CTNNA3: variants seen among roughly 807,000 people sequenced by gnomAD.
CTNNA3 encodes catenin alpha 3, also known as catenin alpha-3.
CTNNA3 carries 76 observed loss-of-function variants against 95.7 expected under a neutral mutation model. The observed-to-expected ratio is 0.79, with a 90% CI of 0.66 to 0.96. CTNNA3 has a LOEUF of 0.96. Among genes scored for constraint, CTNNA3 ranks in the 40% least tolerant of loss-of-function variants. The pLI is 0.00. For missense variants in CTNNA3, 1,191 were observed against 1,089.8 expected, an observed-to-expected ratio of 1.09 and a Z score of -1.31; for synonymous variants, 431 against 374.4, an observed-to-expected ratio of 1.15 and a Z score of -1.74.
intron 11 of CTNNA3, among the ~76,000 whole-genome samples, chr10:66,492,099 C>T (rs1469292355): frequency 6.6e-6 from 1 of 152,070 alleles, no homozygotes; most frequent in African/African-American, 2.4e-5. Flanking sequence ...TTGTTACAAA[C>T]TCCCATTTCC....
At chr10:66,015,568 G>A (rs115443324) in intron 15 of CTNNA3, among the ~76,000 whole-genome samples, 1,904 of 152,086 alleles carry the variant, frequency 0.013, 30 homozygotes, top group African/African-American at 0.044. Flanking sequence ...TTATATACTG[G>A]TCTTTCCATA....
chr10:67,552,600 T>C (rs1436789695), intron 3 of CTNNA3, among the ~76,000 whole-genome samples: 3 of 151,950 alleles, frequency 2.0e-5, no homozygotes, highest in African/African-American at 7.3e-5. Context: ...GTTTGCTGCA[T>C]AGATCATCCC....
At chr10:67,044,310 G>A (rs1178499216) in intron 7 of CTNNA3, among the ~76,000 whole-genome samples, 1 of 152,068 alleles carries the variant, frequency 6.6e-6, no homozygotes, top group African/African-American at 2.4e-5. Flanking sequence ...TTAACGAGGG[G>A]GAAGGGGATA....
rs79390977 is a variant in CTNNA3, at chr10:66,260,098, T to C, written c.1884+20372A>G. Reference sequence around the variant, plus strand: ...CCAAAGCACAGGATGAGTTGTTGCCTGAAGTCCCTTTATCTGCCTAAAGTA... The same window carrying C: ...CCAAAGCACAGGATGAGTTGTTGCCCGAAGTCCCTTTATCTGCCTAAAGTA... On this transcript the variant is annotated intron_variant, in intron 13 of 17. Transcript: ENST00000433211. Among the ~76,000 whole-genome samples the C allele has an allele frequency of 1.9e-3, 291 of 152,240 alleles. 5 individuals carry two copies. The highest frequency in any genetic ancestry group is 0.013 in the Admixed American group (206 of 15,282).
At chr10:67,280,757 A>G (rs1038040404) in intron 5 of CTNNA3, among the ~76,000 whole-genome samples, 1 of 151,946 alleles carries the variant, frequency 6.6e-6, no homozygotes, top group Admixed American at 6.6e-5. Context: ...GGACCATTTA[A>G]TTTCCCTAAA....
At chr10:66,384,273 C>CA (rs1300477876) in intron 11 of CTNNA3, among the ~76,000 whole-genome samples, 1 of 151,104 alleles carries the variant, frequency 6.6e-6, no homozygotes, top group Admixed American at 6.6e-5. Flanking sequence ...AAATGGAAAA[C>CA]AAAAAAAAGC....
At position 66,034,590 on chromosome 10, in the gene CTNNA3, A is replaced by T. The variant is rs78711150; in HGVS notation, c.2159+34718T>A. Among the ~76,000 whole-genome samples the T allele has an allele frequency of 3.1e-3, 479 of 152,310 alleles. 3 individuals are homozygous for T. The highest frequency in any genetic ancestry group is 0.011 in the African/African-American group (463 of 41,564). On this transcript the variant is annotated intron_variant, in intron 15 of 17. Transcript: ENST00000433211. ...GCTTCTATTCCTTACCTTTATTTGTATAATTTCTAACTTCACACTATTTTG... is the reference window on the plus strand; with the variant it reads ...GCTTCTATTCCTTACCTTTATTTGTTTAATTTCTAACTTCACACTATTTTG...
At chr10:67,671,647 A>G (rs1187060090) in intron 1 of CTNNA3, among the ~76,000 whole-genome samples, 3 of 151,502 alleles carry the variant, frequency 2.0e-5, no homozygotes, top group Non-Finnish European at 2.9e-5. Flanking sequence ...GCTGAGAATG[A>G]TGGTTTCCAG....
chr10:67,476,057 T>C (rs1847997782), intron 5 of CTNNA3, among the ~76,000 whole-genome samples: 1 of 152,226 alleles, frequency 6.6e-6, no homozygotes, highest in South Asian at 2.1e-4. Context: ...GTGTATCTTT[T>C]CCATATTTAA....
chr10:66,742,897 T>G (rs1017557781), intron 9 of CTNNA3, among the ~76,000 whole-genome samples: 2 of 152,232 alleles, frequency 1.3e-5, no homozygotes, highest in African/African-American at 4.8e-5. Flanking sequence ...CTTTTAACTA[T>G]ACTGCTCAGA....
intron 16 of CTNNA3, among the ~76,000 whole-genome samples, chr10:65,977,653 G>T (rs531490971): frequency 6.6e-6 from 1 of 151,882 alleles, no homozygotes; most frequent in East Asian, 1.9e-4. Context: ...ATGGTGACTC[G>T]TACCTATAGT....
chr10:66,394,616 T>C (rs569649340), intron 11 of CTNNA3, among the ~76,000 whole-genome samples: 67 of 151,382 alleles, frequency 4.4e-4, no homozygotes, highest in African/African-American at 1.5e-3. Context: ...GCATCAGGAC[T>C]GTCAGCAGGA....
intron 15 of CTNNA3, among the ~76,000 whole-genome samples, chr10:66,022,396 T>G (rs1265078779): frequency 6.6e-6 from 1 of 152,200 alleles, no homozygotes; most frequent in Non-Finnish European, 1.5e-5. Flanking sequence ...ATTTTTGCTT[T>G]GATGAAAGGC....
intron 5 of CTNNA3, among the ~76,000 whole-genome samples, chr10:67,280,158 C>T (rs1316741520): frequency 1.3e-5 from 2 of 150,246 alleles, no homozygotes; most frequent in South Asian, 4.3e-4. Context: ...CTGTTTCTCA[C>T]TCCAAGCACA....
intron 7 of CTNNA3, among the ~76,000 whole-genome samples, chr10:66,904,734 A>G (rs1845910703): frequency 6.6e-6 from 1 of 152,258 alleles, no homozygotes; most frequent in Admixed American, 6.5e-5. Context: ...TCTCAAAAGA[A>G]GACATTTATG....
intron 7 of CTNNA3, among the ~76,000 whole-genome samples, chr10:66,828,628 C>A (rs1327149196): frequency 5.9e-5 from 9 of 152,186 alleles, no homozygotes; most frequent in Non-Finnish European, 1.2e-4. Flanking sequence ...TCAGCTTCTT[C>A]TGAGGACAGC....
At chr10:66,881,912 C>A (rs1167332432) in intron 7 of CTNNA3, among the ~76,000 whole-genome samples, 1 of 152,044 alleles carries the variant, frequency 6.6e-6, no homozygotes, top group African/African-American at 2.4e-5. Flanking sequence ...CTTCAAACTG[C>A]AAACTAAATT....
chr10:66,868,853 C>T (rs1459402576), intron 7 of CTNNA3, among the ~76,000 whole-genome samples: 1 of 151,814 alleles, frequency 6.6e-6, no homozygotes, highest in African/African-American at 2.4e-5. Flanking sequence ...CACTATGAAG[C>T]ATTAGTGCTA....
At chr10:67,563,479 A>G (rs1280433053) in intron 3 of CTNNA3, among the ~76,000 whole-genome samples, 2 of 152,234 alleles carry the variant, frequency 1.3e-5, no homozygotes. Context: ...TACACCTTAT[A>G]CAAAAATTAA....
Sources: gnomAD v4.1 joint callset for allele counts (sites outside exome capture counted in the v4.1 genomes callset) on GRCh38, gnomAD v4.1.1 for gene constraint, MANE v1.5 for transcripts, NCBI Gene and HGNC (gene_info 2026-07-23, HGNC 2026-07-21) for gene names.